TRABD2B: variants seen among roughly 807,000 people sequenced by gnomAD.
TRABD2B encodes TraB domain containing 2B, also known as metalloprotease TIKI2.
In TRABD2B, 14 loss-of-function variants were observed where a neutral mutation model predicts 40.1. The ratio of observed to expected loss-of-function variants is 0.35; its 90% CI spans 0.23 to 0.55. The LOEUF is 0.55. Ranked by LOEUF, TRABD2B falls within the 20% of genes least tolerant of loss-of-function variation. The pLI is 0.90. For missense variants in TRABD2B, 541 were observed against 648.6 expected (o/e 0.83, Z 1.80); for synonymous variants, 263 against 277.0 (o/e 0.95, Z 0.50).
Position 47,775,428 on chromosome 1 carries a change from T to G in TRABD2B, c.1091A>C (p.Gln364Pro), listed in dbSNP as rs1644432622. The G allele has an allele frequency of 2.4e-6, 3 of 1,234,868 alleles. No individual in the cohort carries two copies. The highest frequency in any genetic ancestry group is 3.0e-6 in the Non-Finnish European group (3 of 988,518). 76.5% of individuals were successfully genotyped at this position (1,234,868 alleles called of 1,614,324 possible). A position where few individuals can be genotyped will look rare whatever the true frequency, so the allele number is the denominator to read the frequency against. ...CCCCTCAGGAGAGGGCGCTGGGCTC[T>G]GGGGGGCAGGGCTGGAAAGAGGTAA... ...AGQAIHSPAPQSPAPSPEGTS... is the reference protein window; with the variant it reads ...AGQAIHSPAPPSPAPSPEGTS... Residue 364 changes from glutamine (Q) to proline (P), a missense_variant, in exon 6 of 7, where the codon CAG (glutamine) becomes CCG (proline). Physicochemically the swap from Gln to Pro is moderately conservative, Grantham distance 76. Transcript: ENST00000606738.
At chr1:47,804,723 T>C (rs1458517348) in intron 2 of TRABD2B, among the ~76,000 whole-genome samples, 1 of 152,184 alleles carries the variant, frequency 6.6e-6, no homozygotes, top group Non-Finnish European at 1.5e-5. Flanking sequence ...AAGTGTTTGT[T>C]AAATAAAACT....
Position 47,948,662 on chromosome 1 carries a change from T to C in TRABD2B, c.666+45372A>G, listed in dbSNP as rs890831277. Among the ~76,000 whole-genome samples the C allele has an allele frequency of 4.6e-5, 7 of 152,138 alleles. No homozygotes were observed. In the South Asian group the frequency reaches 1.5e-3, roughly 32 times the overall value. On this transcript the variant is annotated intron_variant, in intron 2 of 6. Transcript: ENST00000606738. ...AATTCTTTTCTTTGCACTTGGTTTA[T>C]TGAGAAGAATACAAAATTCTTACCC...
intron 2 of TRABD2B, among the ~76,000 whole-genome samples, chr1:47,816,663 G>A (rs1411949976): frequency 6.6e-6 from 1 of 151,990 alleles, no homozygotes; most frequent in Non-Finnish European, 1.5e-5. Context: ...ATCCACTCAG[G>A]GGCCCCTGTT....
chr1:47,890,560 C>T (rs986422945), intron 2 of TRABD2B, among the ~76,000 whole-genome samples: 30 of 152,132 alleles, frequency 2.0e-4, no homozygotes, highest in Admixed American at 4.6e-4. Flanking sequence ...TCTTCAGCTT[C>T]CTACTGCTGG....
chr1:47,903,478 G>GGA (rs1217804484), intron 2 of TRABD2B, among the ~76,000 whole-genome samples: 2 of 152,144 alleles, frequency 1.3e-5, no homozygotes, highest in Non-Finnish European at 2.9e-5. Flanking sequence ...TTGAGGAGAA[G>GGA]GAGCTTTGTC....
intron 2 of TRABD2B, among the ~76,000 whole-genome samples, chr1:47,861,719 T>G (rs1643975160): frequency 6.6e-6 from 1 of 152,132 alleles, no homozygotes; most frequent in African/African-American, 2.4e-5. Flanking sequence ...TCTCTAAACC[T>G]CCTTCAGAAC....
At chr1:47,904,210 G>A (rs1644644047) in intron 2 of TRABD2B, among the ~76,000 whole-genome samples, 1 of 152,200 alleles carries the variant, frequency 6.6e-6, no homozygotes, top group African/African-American at 2.4e-5. Flanking sequence ...ACCTAACCTT[G>A]AAAGATGGGT....
At chr1:47,888,941 G>T (rs569487597) in intron 2 of TRABD2B, among the ~76,000 whole-genome samples, 1 of 152,284 alleles carries the variant, frequency 6.6e-6, no homozygotes, top group East Asian at 1.9e-4. Context: ...ACCCACCCTA[G>T]GTCAGGTGCC....
Position 47,841,556 on chromosome 1 carries a change from T to C in TRABD2B, c.667-39937A>G, listed in dbSNP as rs114792538. ...TGGGAGGTGCAGGAAGAGGCATGGA[T>C]GGGGAGTTACACTGCCGAGGAGCTC... On this transcript the variant is annotated intron_variant, in intron 2 of 6. Coordinates refer to ENST00000606738, the MANE Select transcript of TRABD2B (RefSeq NM_001194986.2). Among the ~76,000 whole-genome samples the C allele has an allele frequency of 5.0e-3, 763 of 152,282 alleles. 6 individuals are homozygous for C. Among genetic ancestry groups the C allele is most frequent in the African/African-American group, 0.017 (719 of 41,556 alleles).
chr1:47,941,800 T>C (rs1645192858), intron 2 of TRABD2B, among the ~76,000 whole-genome samples: 1 of 152,226 alleles, frequency 6.6e-6, no homozygotes, highest in Non-Finnish European at 1.5e-5. Flanking sequence ...TGTGTGACCC[T>C]GGGCAAGTAA....
At chr1:47,803,206 G>T (rs1173386622) in intron 2 of TRABD2B, among the ~76,000 whole-genome samples, 2 of 152,192 alleles carry the variant, frequency 1.3e-5, no homozygotes, top group African/African-American at 4.8e-5. Flanking sequence ...AGCCTCCATG[G>T]GTGGCAGACT....
intron 2 of TRABD2B, among the ~76,000 whole-genome samples, chr1:47,976,527 A>C (rs989912607): frequency 6.6e-6 from 1 of 152,166 alleles, no homozygotes; most frequent in Admixed American, 6.5e-5. Context: ...AAATATTTCT[A>C]CTCTCATGGA....
chr1:47,902,940 A>C (rs1199130209), intron 2 of TRABD2B, among the ~76,000 whole-genome samples: 1 of 152,102 alleles, frequency 6.6e-6, no homozygotes, highest in Non-Finnish European at 1.5e-5. Context: ...TCTAGTCATA[A>C]ATTCATCCTG....
intron 2 of TRABD2B, among the ~76,000 whole-genome samples, chr1:47,915,369 A>T (rs1644816919): frequency 6.6e-6 from 1 of 152,176 alleles, no homozygotes; most frequent in Admixed American, 6.5e-5. Context: ...TCTTTCAGCG[A>T]TGGATTTCAG....
chr1:47,872,491 G>A (rs1347189625), intron 2 of TRABD2B, among the ~76,000 whole-genome samples: 2 of 152,146 alleles, frequency 1.3e-5, no homozygotes, highest in Non-Finnish European at 2.9e-5. Context: ...AGCAGCCTGG[G>A]GTCCCAACTC....
intron 2 of TRABD2B, among the ~76,000 whole-genome samples, chr1:47,811,634 T>C (rs1644966283): frequency 6.6e-6 from 1 of 152,200 alleles, no homozygotes; most frequent in African/African-American, 2.4e-5. Flanking sequence ...TGGCTGGGGC[T>C]GGCCCAGAGG....
intron 2 of TRABD2B, among the ~76,000 whole-genome samples, chr1:47,974,871 T>A (rs185097378): frequency 6.6e-6 from 1 of 152,320 alleles, no homozygotes; most frequent in African/African-American, 2.4e-5. Flanking sequence ...GTACCTTTGA[T>A]ATGATGTGAG....
At chr1:47,948,910 C>T (rs1190833817) in intron 2 of TRABD2B, among the ~76,000 whole-genome samples, 1 of 152,158 alleles carries the variant, frequency 6.6e-6, no homozygotes, top group African/African-American at 2.4e-5. Context: ...CCCTACATTT[C>T]CAGCTCCCAT....
chr1:47,819,272 G>A (rs986511661), intron 2 of TRABD2B: 3 of 152,276 alleles, frequency 2.0e-5, no homozygotes, highest in Admixed American at 6.5e-5. Flanking sequence ...GGAGGATCAC[G>A]GCCCATGCCA....
Sources: allele counts gnomAD v4.1 joint callset (sites outside exome capture counted in the v4.1 genomes callset), GRCh38; gene constraint gnomAD v4.1.1; transcripts MANE v1.5; gene names NCBI Gene and HGNC (gene_info 2026-07-23, HGNC 2026-07-21).